The following ONECUT1 variants were observed in gnomAD, a reference collection of about 807,000 sequenced individuals.
The protein encoded by ONECUT1 is one cut homeobox 1, also known as hepatocyte nuclear factor 6.
Under a neutral mutation model 25.6 loss-of-function variants are expected in ONECUT1, and 12 were observed. That is an observed-to-expected ratio of 0.47 (90% CI 0.30 to 0.76). The LOEUF (loss-of-function observed/expected upper bound fraction) is 0.76. Ranked by LOEUF, ONECUT1 falls within the 30% of genes least tolerant of loss-of-function variation. The pLI, the probability that ONECUT1 is intolerant of heterozygous loss-of-function variation, is 0.07. For missense variants in ONECUT1, 620 were observed against 651.2 expected (o/e 0.95, Z 0.52); for synonymous variants, 285 against 270.2 (o/e 1.05, Z -0.54).
chr15:52,775,854 TG>T (rs2083796502), intron 1 of ONECUT1, among the ~76,000 whole-genome samples: 1 of 152,204 alleles, frequency 6.6e-6, no homozygotes, highest in Admixed American at 6.5e-5. Flanking sequence ...TTCCAACATT[TG>T]TCTGCCCCAC....
rs372178501 is a variant in ONECUT1 at position 52,789,553 on chromosome 15, G to T, written c.332C>A (p.Pro111Gln). The stretch of plus-strand genomic sequence containing the variant: ...CGAGACTGTGGAGATGGGAGGCAGC[G>T]GCTGCAGAGGGGTCAAGGTGGTGTA... ...TTYTTLTPLQ[P>Q]LPPISTVSDK... Residue 111 changes from proline to glutamine, a missense_variant, in exon 1 of 2, where the codon CCG becomes CAG. Pro to Gln is a moderately conservative substitution (Grantham distance 76). Around this residue, in one of 4 missense-constraint regions of ONECUT1, gnomAD observed 440 missense variants for 404.9 expected, o/e 1.09. Coordinates refer to ENST00000305901, the MANE Select transcript of ONECUT1 (RefSeq NM_004498.4). This position sits in a 1 kb window ranked among gnomAD's most constrained non-coding sequence, Gnocchi z 4.1. 1.3e-6 allele frequency: 2 copies of T among 1,598,040 alleles called. No homozygotes were observed. The highest frequency in any genetic ancestry group is 2.7e-5 in the African/African-American group (2 of 74,766).
At chr15:52,760,330 A>T (rs1204890670) in intron 1 of ONECUT1, among the ~76,000 whole-genome samples, 1 of 152,204 alleles carries the variant, frequency 6.6e-6, no homozygotes, top group Non-Finnish European at 1.5e-5. Context: ...GAAAAAAATG[A>T]CTAAAGTCAA....
At chr15:52,778,579 T>C (rs1369540718) in intron 1 of ONECUT1, among the ~76,000 whole-genome samples, 1 of 152,196 alleles carries the variant, frequency 6.6e-6, no homozygotes, top group African/African-American at 2.4e-5. Context: ...TAATGACCCA[T>C]ATCCTTGCTA....
At chr15:52,767,801 A>C (rs1205356551) in intron 1 of ONECUT1, among the ~76,000 whole-genome samples, 1 of 152,232 alleles carries the variant, frequency 6.6e-6, no homozygotes, top group African/African-American at 2.4e-5. Flanking sequence ...GTGTCCATCA[A>C]CAGGTGAACG....
chr15:52,788,278 G>C lies in ONECUT1; in HGVS notation c.1105+502C>G, dbSNP rs992379145. 1 of 157,916 alleles carries C rather than the reference G, an allele frequency of 6.3e-6. No individual in the cohort carries two copies. The highest frequency in any genetic ancestry group is 2.4e-5 in the African/African-American group (1 of 41,574). 9.8% of individuals were successfully genotyped at this position (157,916 alleles called of 1,614,324 possible). On this transcript the variant is annotated intron_variant, in intron 1 of 1. Coordinates refer to ENST00000305901, the MANE Select transcript of ONECUT1 (RefSeq NM_004498.4). This position sits in a 1 kb window ranked among gnomAD's most constrained non-coding sequence, Gnocchi z 4.3. ...CCCAGCCAGCGCCAAAAGAATGAGC[G>C]CGGGAGGGGGTCACAGCAGCCAGTT...
At chr15:52,780,858 T>C in intron 1 of ONECUT1, 1 of 1,347,096 alleles carries the variant, frequency 7.4e-7, no homozygotes, top group Non-Finnish European at 9.5e-7. Context: ...AAAGCAGTGA[T>C]TTCAGAAACC....
intron 1 of ONECUT1, among the ~76,000 whole-genome samples, chr15:52,772,123 G>C (rs976413561): frequency 6.6e-6 from 1 of 151,612 alleles, no homozygotes; most frequent in Non-Finnish European, 1.5e-5. Context: ...GGCCGGGTGC[G>C]GTGGCTCACG....
In ONECUT1 at chr15:52,789,752, G is replaced by T; in HGVS notation, c.133C>A (p.Leu45Met). 1 of 1,407,512 alleles carries T rather than the reference G, an allele frequency of 7.1e-7. No homozygotes were observed. Among genetic ancestry groups the T allele is most frequent in the Non-Finnish European group, 9.2e-7 (1 of 1,091,688 alleles). The allele number at this position is 1,407,512 out of a possible 1,614,324, so 87.2% of individuals were successfully genotyped here. ...RSSVAHRGSH[L>M]PPAHPRSMGM... Reference sequence around the variant, plus strand: ...ATGGAGCGCGGGTGCGCGGGGGGCAGGTGGCTGCCGCGGTGCGCCACGGAG... The same window carrying T: ...ATGGAGCGCGGGTGCGCGGGGGGCATGTGGCTGCCGCGGTGCGCCACGGAG... Residue 45 changes from leucine (L) to methionine (M), a missense_variant, in exon 1 of 2, where the codon CTG becomes ATG. This residue lies in a region of ONECUT1 where 440 missense variants were observed against 404.9 expected (regional missense o/e 1.09). Transcript: ENST00000305901. The surrounding 1 kb of genome is among the most constrained non-coding windows in gnomAD (Gnocchi z 4.1).
In ONECUT1 at chr15:52,766,048, T is replaced by A. The variant is rs149025097; in HGVS notation, c.1106-8201A>T. ...TGTCTCTGTGAGTAGCCAGAGCAAC[T>A]ATGGAAACTCTTTTGGTCACACACA... On this transcript the variant is annotated intron_variant, in intron 1 of 1. Coordinates refer to ENST00000305901, the MANE Select transcript of ONECUT1 (RefSeq NM_004498.4). 2.9e-3 allele frequency among the ~76,000 whole-genome samples: 440 copies of A among 152,308 alleles called. 1 individual carries two copies. The highest frequency in any genetic ancestry group is 0.01 in the African/African-American group (432 of 41,566).
At position 52,788,435 on chromosome 15, in the gene ONECUT1, A is replaced by G. The variant is rs2083891338; in HGVS notation, c.1105+345T>C. 3 of 266,040 alleles carry G rather than the reference A, an allele frequency of 1.1e-5. No individual in the cohort carries two copies. The South Asian group carries it at 3.6e-4, about 32-fold the overall frequency. The allele number at this position is 266,040 out of a possible 1,614,324, so 16.5% of individuals were successfully genotyped here. On this transcript the variant is annotated intron_variant, in intron 1 of 1. Transcript: ENST00000305901. The surrounding 1 kb of genome is among the most constrained non-coding windows in gnomAD (Gnocchi z 4.3). ...CCTCTTCCCAAACCCGGATCGCTGA[A>G]CTGAGAGGTGGCGCAGAGTGTCTCA...
At chr15:52,782,821 G>C (rs2083849953) in intron 1 of ONECUT1, among the ~76,000 whole-genome samples, 2 of 152,030 alleles carry the variant, frequency 1.3e-5, no homozygotes, top group African/African-American at 2.4e-5. Flanking sequence ...ATATTAAGTC[G>C]GTGTTTAAAT....
At chr15:52,786,839 G>T (rs1453643920) in intron 1 of ONECUT1, among the ~76,000 whole-genome samples, 1 of 152,102 alleles carries the variant, frequency 6.6e-6, no homozygotes, top group Non-Finnish European at 1.5e-5. Context: ...GCCTCCAGGG[G>T]GCGGGGGTGG....
Position 52,789,383 on chromosome 15 carries a change from A to T in ONECUT1, c.502T>A (p.Tyr168Asn), listed in dbSNP as rs770009272. ...LASMNNLYTP[Y>N]HKDVAGMGQS... ...CCCATGCCGGCCACGTCCTTGTGGT[A>T]GGGGGTATAGAGGTTATTCATGGAG... The change falls in exon 1 of 2, where the codon TAC (tyrosine) becomes AAC (asparagine). Residue 168 changes from tyrosine to asparagine, a missense_variant. By Grantham distance (143) the Tyr-to-Asn change is moderately radical. Coordinates refer to ENST00000305901, the MANE Select transcript of ONECUT1 (RefSeq NM_004498.4). This position sits in a 1 kb window ranked among gnomAD's most constrained non-coding sequence, Gnocchi z 4.1. 6.2e-7 allele frequency: 1 copy of T among 1,612,072 alleles called. No individual in the cohort carries two copies. The highest frequency in any genetic ancestry group is 1.1e-5 in the South Asian group (1 of 90,834).
chr15:52,787,493 G>A (rs924671321), intron 1 of ONECUT1, among the ~76,000 whole-genome samples: 1 of 152,108 alleles, frequency 6.6e-6, no homozygotes, highest in Non-Finnish European at 1.5e-5. Context: ...GGCTCAGAGC[G>A]GATTGACTGT....
chr15:52,783,122 C>T (rs1291633879), intron 1 of ONECUT1, among the ~76,000 whole-genome samples: 5 of 152,134 alleles, frequency 3.3e-5, no homozygotes, highest in Non-Finnish European at 7.3e-5. Flanking sequence ...TTAAAGACCT[C>T]GTAGATTAGA....
At chr15:52,771,592 T>C (rs1358064975) in intron 1 of ONECUT1, among the ~76,000 whole-genome samples, 1 of 101,290 alleles carries the variant, frequency 9.9e-6, no homozygotes, top group Non-Finnish European at 2.0e-5. Flanking sequence ...CTTTAAGTAA[T>C]GTCTGTTTTT....
rs2083862914 is a variant in ONECUT1 at position 52,784,769 on chromosome 15, G to A, written c.1105+4011C>T. Among the ~76,000 whole-genome samples the A allele has an allele frequency of 6.6e-6, 1 of 152,212 alleles. No homozygotes were observed. The highest frequency in any genetic ancestry group is 1.5e-5 in the Non-Finnish European group (1 of 68,036). On this transcript the variant is annotated intron_variant, in intron 1 of 1. Transcript: ENST00000305901. This position sits in a 1 kb window ranked among gnomAD's most constrained non-coding sequence, Gnocchi z 5.0. ...GTCGGCTAGGTGTGTGTGTGTGAGG[G>A]TCCCCAGTTGACTACCGGGATGCAC...
intron 1 of ONECUT1, among the ~76,000 whole-genome samples, chr15:52,785,240 C>G (rs2083866528): frequency 6.6e-6 from 1 of 152,274 alleles, no homozygotes; most frequent in Non-Finnish European, 1.5e-5. Flanking sequence ...AGCAAATGGA[C>G]TTGTGCAGGG....
Position 52,788,495 on chromosome 15 carries a change from A to G in ONECUT1, c.1105+285T>C. On this transcript the variant is annotated intron_variant, in intron 1 of 1. Coordinates refer to ENST00000305901, the MANE Select transcript of ONECUT1 (RefSeq NM_004498.4). This position sits in a 1 kb window ranked among gnomAD's most constrained non-coding sequence, Gnocchi z 4.3. The stretch of plus-strand genomic sequence containing the variant: ...GGGATTTCTCTCCGCCTCAGGCCGT[A>G]CGAGCTTCCCTCGCTGTCCCTGAGC... 2.4e-6 allele frequency: 1 copy of G among 421,522 alleles called. No individual in the cohort carries two copies. Among genetic ancestry groups the G allele is most frequent in the South Asian group, 5.9e-5 (1 of 16,880 alleles). 26.1% of individuals were successfully genotyped at this position (421,522 alleles called of 1,614,324 possible). A position where few individuals can be genotyped will look rare whatever the true frequency, so the allele number is the denominator to read the frequency against.
Sources: gnomAD v4.1 joint callset for allele counts (sites outside exome capture counted in the v4.1 genomes callset) on GRCh38, gnomAD v4.1.1 for gene constraint, gnomAD v4.1.1 regional missense constraint, Gnocchi (gnomAD v3.1) non-coding constraint, MANE v1.5 for transcripts, NCBI Gene and HGNC (gene_info 2026-07-23, HGNC 2026-07-21) for gene names.